Variants in INPP4B observed in about 807,000 individuals in gnomAD.
The protein encoded by INPP4B is inositol polyphosphate 4-phosphatase type II.
A neutral mutation model predicts 122.5 loss-of-function variants in INPP4B; 55 were observed. That is an observed-to-expected ratio of 0.45 (90% CI 0.36 to 0.56). INPP4B has a LOEUF of 0.56. Among genes scored for constraint, INPP4B ranks in the 20% least tolerant of loss-of-function variants. INPP4B has a pLI of 0.00. For missense variants in INPP4B, 1,000 were observed against 1,097.7 expected (o/e 0.91, Z 1.26); for synonymous variants, 403 against 388.7 (o/e 1.04, Z -0.43).
chr4:142,557,171 G>A (rs1729383797), intron 2 of INPP4B, among the ~76,000 whole-genome samples: 1 of 152,186 alleles, frequency 6.6e-6, no homozygotes, highest in Admixed American at 6.5e-5. Flanking sequence ...GAGAAGGAAG[G>A]CCGGCAGTTC....
chr4:142,205,452 G>A (rs1047747954), intron 14 of INPP4B, among the ~76,000 whole-genome samples: 27 of 151,946 alleles, frequency 1.8e-4, no homozygotes, highest in African/African-American at 6.5e-4. Flanking sequence ...ATCTAAACCT[G>A]GCTATTTCCT....
rs1491078071 is a variant in INPP4B at position 142,026,068 on chromosome 4, AAG to A, written c.*2712_*2713del. On this transcript the variant is annotated 3_prime_UTR_variant, in exon 26 of 26. Coordinates refer to ENST00000262992, the MANE Select transcript of INPP4B (RefSeq NM_001101669.3). The stretch of plus-strand genomic sequence containing the variant: ...GGAACATATTATTTTTGAGCAAAAA[AAG>A]AGTTTGGAAATGTCATTTGCTCAGT... 1 of 152,194 alleles carries A rather than the reference AAG, an allele frequency of 6.6e-6. No individual in the cohort carries two copies. The highest frequency in any genetic ancestry group is 1.5e-5 in the Non-Finnish European group (1 of 68,034). 9.4% of individuals were successfully genotyped at this position (152,194 alleles called of 1,614,324 possible). A position where few individuals can be genotyped will look rare whatever the true frequency, so the allele number is the denominator to read the frequency against.
chr4:142,554,546 G>T (rs2150091535), intron 2 of INPP4B, among the ~76,000 whole-genome samples: 1 of 152,124 alleles, frequency 6.6e-6, no homozygotes, highest in African/African-American at 2.4e-5. Context: ...CTTAACTACT[G>T]GACAAGGTAC....
chr4:142,107,733 T>C (rs1356813901), intron 23 of INPP4B, among the ~76,000 whole-genome samples: 1 of 152,202 alleles, frequency 6.6e-6, no homozygotes. Flanking sequence ...TGCTTATAAA[T>C]GGAGACTTAA....
intron 7 of INPP4B, among the ~76,000 whole-genome samples, chr4:142,366,872 C>G (rs1334631436): frequency 6.6e-6 from 1 of 152,082 alleles, no homozygotes; most frequent in South Asian, 2.1e-4. Flanking sequence ...TGAAGAGAAA[C>G]AGATGGTGAA....
At chr4:142,801,023 C>A in intron 1 of INPP4B, among the ~76,000 whole-genome samples, 1 of 150,984 alleles carries the variant, frequency 6.6e-6, no homozygotes, top group Non-Finnish European at 1.5e-5. Flanking sequence ...GAGGAATTGT[C>A]AAGAGATAAA....
chr4:142,111,662 T>C (rs1388614786), intron 22 of INPP4B, among the ~76,000 whole-genome samples: 3 of 152,036 alleles, frequency 2.0e-5, no homozygotes, highest in African/African-American at 4.8e-5. Flanking sequence ...CTATGATCTT[T>C]AACTGTTATC....
intron 9 of INPP4B, among the ~76,000 whole-genome samples, chr4:142,271,227 G>A (rs1745663772): frequency 6.6e-6 from 1 of 152,160 alleles, no homozygotes; most frequent in Non-Finnish European, 1.5e-5. Context: ...ACAGACGTGA[G>A]CTACTGCATG....
chr4:142,082,123 C>T lies in INPP4B; in HGVS notation c.2550G>A (p.Ser850=), dbSNP rs143681544. 5.3e-5 allele frequency: 81 copies of T among 1,540,952 alleles called. No homozygotes were observed. In the African/African-American group the frequency reaches 8.1e-4, roughly 15 times the overall value. ...TCCKSAKDRT[S]MSVTLEQCSI... ...AGCATTGTTCAAGTGTCACTGACAT[C>T]GATGTCCTGTCTTTGGCACTTTTAC... The change falls in exon 25 of 26, where the codon TCG becomes TCA. Residue 850 remains serine (S), a synonymous_variant. Transcript: ENST00000262992.
chr4:142,678,896 C>T (rs1415280378), intron 2 of INPP4B, among the ~76,000 whole-genome samples: 1 of 151,752 alleles, frequency 6.6e-6, no homozygotes, highest in Non-Finnish European at 1.5e-5. Context: ...CCTGAATCAT[C>T]TTTCCAAGAT....
chr4:142,389,223 C>T (rs1342434709), intron 7 of INPP4B, among the ~76,000 whole-genome samples: 2 of 147,884 alleles, frequency 1.4e-5, no homozygotes, highest in Admixed American at 1.4e-4. Flanking sequence ...GCACTCCAGC[C>T]TGTGTGACAG....
At position 142,366,783 on chromosome 4, in the gene INPP4B, C is replaced by G. The variant is rs79484800; in HGVS notation, c.372+36155G>C. On this transcript the variant is annotated intron_variant, in intron 7 of 25. Coordinates refer to ENST00000262992, the MANE Select transcript of INPP4B (RefSeq NM_001101669.3). ...AAAGAGTGAAAGTTTGTCAGTATCT[C>G]TGTCAGCAAAATGCTATGTAACAAA... 4.6e-5 allele frequency among the ~76,000 whole-genome samples: 7 copies of G among 152,248 alleles called. No homozygotes were observed. The East Asian group carries it at 1.4e-3, about 29-fold the overall frequency.
Position 142,026,183 on chromosome 4 carries a change from CTG to C in INPP4B, c.*2597_*2598del, listed in dbSNP as rs1308540796. 2 of 152,122 alleles carry C rather than the reference CTG, an allele frequency of 1.3e-5. No individual in the cohort carries two copies. The highest frequency in any genetic ancestry group is 2.9e-5 in the Non-Finnish European group (2 of 68,018). 9.4% of individuals were successfully genotyped at this position (152,122 alleles called of 1,614,324 possible). A position where few individuals can be genotyped will look rare whatever the true frequency, so the allele number is the denominator to read the frequency against. ...TATAGATAGAATAGCATGACTGTGGCTGTGTTTGTTCAAGAGAGATTTAAACA... is the reference window on the plus strand; with the variant it reads ...TATAGATAGAATAGCATGACTGTGGCTGTTTGTTCAAGAGAGATTTAAACA... On this transcript the variant is annotated 3_prime_UTR_variant, in exon 26 of 26. Transcript: ENST00000262992.
chr4:142,127,785 T>C (rs1168830248), intron 18 of INPP4B, among the ~76,000 whole-genome samples: 1 of 152,178 alleles, frequency 6.6e-6, no homozygotes, highest in Non-Finnish European at 1.5e-5. Flanking sequence ...ACATTTTTTT[T>C]CTAGAAAAGA....
At chr4:142,730,421 T>A (rs778530578) in intron 1 of INPP4B, among the ~76,000 whole-genome samples, 9 of 152,210 alleles carry the variant, frequency 5.9e-5, no homozygotes, top group East Asian at 1.9e-4. Context: ...TACATTGTTC[T>A]TCAATATAAT....
At chr4:142,373,824 G>A (rs924798921) in intron 7 of INPP4B, among the ~76,000 whole-genome samples, 1 of 151,854 alleles carries the variant, frequency 6.6e-6, no homozygotes, top group Non-Finnish European at 1.5e-5. Context: ...GAGCTTTCCT[G>A]TGGTTATTGT....
At chr4:142,775,379 G>A (rs1264900142) in intron 1 of INPP4B, among the ~76,000 whole-genome samples, 1 of 152,158 alleles carries the variant, frequency 6.6e-6, no homozygotes, top group African/African-American at 2.4e-5. Context: ...ATTTGCATCA[G>A]ATACTTGTCT....
chr4:142,252,435 G>A (rs1261797242), intron 11 of INPP4B, among the ~76,000 whole-genome samples: 5 of 151,898 alleles, frequency 3.3e-5, no homozygotes, highest in Admixed American at 6.6e-5. Flanking sequence ...TGATCCGCCC[G>A]CCTCGGCCTC....
chr4:142,809,431 A>G (rs1490492184), intron 1 of INPP4B, among the ~76,000 whole-genome samples: 1 of 152,204 alleles, frequency 6.6e-6, no homozygotes, highest in African/African-American at 2.4e-5. Context: ...CAGCTGTTCT[A>G]ACAAGTGTTA....
Sources: allele counts gnomAD v4.1 joint callset (sites outside exome capture counted in the v4.1 genomes callset), GRCh38; gene constraint gnomAD v4.1.1; transcripts MANE v1.5; gene names NCBI Gene and HGNC (gene_info 2026-07-23, HGNC 2026-07-21).